KSR2: variants seen among roughly 807,000 people sequenced by gnomAD.
KSR2 encodes kinase suppressor of ras 2.
In KSR2, 25 loss-of-function variants were observed where a neutral mutation model predicts 107.8. The observed-to-expected ratio is 0.23, with a 90% CI of 0.17 to 0.32. The LOEUF (loss-of-function observed/expected upper bound fraction) is 0.32, where lower values mean the gene tolerates loss of function less well. Ranked by LOEUF, KSR2 falls within the 10% of genes least tolerant of loss-of-function variation. The probability of loss-of-function intolerance (pLI) is 1.00; values close to 1 mark genes in which losing one functional copy is unlikely to be tolerated. For missense variants in KSR2, 887 were observed against 1,268.9 expected (o/e 0.70, Z 4.57); for synonymous variants, 480 against 507.0 (o/e 0.95, Z 0.71).
chr12:117,734,604 G>A (rs959763378), intron 4 of KSR2, among the ~76,000 whole-genome samples: 3 of 152,142 alleles, frequency 2.0e-5, no homozygotes, highest in Admixed American at 6.5e-5. Flanking sequence ...TGTTGTTTCA[G>A]TCTGCTGACT....
chr12:117,762,710 C>CA (rs368605197), intron 3 of KSR2, among the ~76,000 whole-genome samples: 1,759 of 151,836 alleles, frequency 0.012, 42 homozygotes, highest in African/African-American at 0.04. Context: ...ACTAAAAATA[C>CA]AAAAAAATTA....
At chr12:117,964,827 C>T (rs1216748631) in intron 1 of KSR2, among the ~76,000 whole-genome samples, 1 of 152,222 alleles carries the variant, frequency 6.6e-6, no homozygotes, top group Non-Finnish European at 1.5e-5. Context: ...CTAGAATTTA[C>T]AACTATATCA....
intron 5 of KSR2, among the ~76,000 whole-genome samples, chr12:117,645,647 GA>G (rs1883582803): frequency 6.6e-6 from 1 of 151,410 alleles, no homozygotes; most frequent in Non-Finnish European, 1.5e-5. Flanking sequence ...AATGTTCCTG[GA>G]AGCAAAATCT....
intron 1 of KSR2, among the ~76,000 whole-genome samples, chr12:117,868,640 A>G (rs78856943): frequency 0.033 from 5,023 of 152,262 alleles, 281 homozygotes; most frequent in African/African-American, 0.11. Context: ...CACAGCTAGT[A>G]AGTGCAGAGC....
At chr12:117,838,317 A>T (rs1292733148) in intron 3 of KSR2, among the ~76,000 whole-genome samples, 2 of 152,120 alleles carry the variant, frequency 1.3e-5, no homozygotes, top group African/African-American at 4.8e-5. Flanking sequence ...ACAGGCGCAC[A>T]CCACCACACC....
At chr12:117,845,622 G>A (rs1418142660) in intron 3 of KSR2, among the ~76,000 whole-genome samples, 1 of 151,938 alleles carries the variant, frequency 6.6e-6, no homozygotes, top group Non-Finnish European at 1.5e-5. Flanking sequence ...ATCCGGGTGA[G>A]CTGATTCAAC....
chr12:117,632,793 G>C (rs1882872770), intron 5 of KSR2, among the ~76,000 whole-genome samples: 3 of 152,122 alleles, frequency 2.0e-5, no homozygotes. Flanking sequence ...TGCGGTATTT[G>C]GTTTTCTGTT....
intron 1 of KSR2, among the ~76,000 whole-genome samples, chr12:117,906,952 G>A (rs1163063411): frequency 1.3e-5 from 2 of 151,988 alleles, no homozygotes; most frequent in Non-Finnish European, 2.9e-5. Flanking sequence ...CCAGGGAGGT[G>A]GAGGCTGCAA....
Position 117,855,713 on chromosome 12 carries a change from C to T in KSR2, c.322-135G>A, listed in dbSNP as rs1893082099. 13 of 849,702 alleles carry T rather than the reference C, an allele frequency of 1.5e-5. No homozygotes were observed. The South Asian group carries it at 1.7e-4, about 11-fold the overall frequency. 52.6% of individuals were successfully genotyped at this position (849,702 alleles called of 1,614,324 possible). On this transcript the variant is annotated intron_variant, in intron 2 of 19. Transcript: ENST00000339824. Reference sequence around the variant, plus strand: ...GCATGACAGTGGGGTCTCCGAATCTCGGGTTTGCCACTCATTATCTAGATA... The same window carrying T: ...GCATGACAGTGGGGTCTCCGAATCTTGGGTTTGCCACTCATTATCTAGATA...
At chr12:117,628,502 C>G (rs746474770) in intron 5 of KSR2, among the ~76,000 whole-genome samples, 3 of 152,268 alleles carry the variant, frequency 2.0e-5, no homozygotes, top group African/African-American at 7.2e-5. Flanking sequence ...TACTCCAGAC[C>G]CTGTTTGCCT....
At chr12:117,546,471 G>A (rs1046050205) in intron 9 of KSR2, among the ~76,000 whole-genome samples, 7 of 152,090 alleles carry the variant, frequency 4.6e-5, no homozygotes, top group Admixed American at 3.9e-4. Flanking sequence ...CTTCTTTGAC[G>A]TTTTCTGAGA....
chr12:117,491,794 A>G (rs779521244), intron 14 of KSR2, among the ~76,000 whole-genome samples: 6 of 152,156 alleles, frequency 3.9e-5, no homozygotes, highest in Non-Finnish European at 7.3e-5. Context: ...GGCCACCTGG[A>G]TCTGGAGGCT....
At chr12:117,722,278 T>C (rs1887239778) in intron 4 of KSR2, among the ~76,000 whole-genome samples, 1 of 152,216 alleles carries the variant, frequency 6.6e-6, no homozygotes, top group Non-Finnish European at 1.5e-5. Context: ...CTAGATGACC[T>C]ACATCCAAAC....
At chr12:117,840,513 A>G (rs1177446939) in intron 3 of KSR2, among the ~76,000 whole-genome samples, 1 of 152,144 alleles carries the variant, frequency 6.6e-6, no homozygotes, top group African/African-American at 2.4e-5. Context: ...ATCCTGCCTC[A>G]GCCTCTCAAG....
In KSR2 at chr12:117,671,332, T is replaced by TTAGA. The variant is rs375356802; in HGVS notation, c.987-3678_987-3675dup. 3.9e-3 allele frequency among the ~76,000 whole-genome samples: 586 copies of TTAGA among 152,188 alleles called. 2 individuals carry two copies. Among genetic ancestry groups the TTAGA allele is most frequent in the South Asian group, 0.016 (75 of 4,808 alleles). ...TCTCTCTCTCTCGATTGATTGATCA[T>TTAGA]TAGATAGATAGATAGATAGATAGAC... On this transcript the variant is annotated intron_variant, in intron 4 of 19. Coordinates refer to ENST00000339824, the MANE Select transcript of KSR2 (RefSeq NM_173598.6).
At chr12:117,592,897 CATTA>C (rs1374780819) in intron 5 of KSR2, among the ~76,000 whole-genome samples, 11 of 152,150 alleles carry the variant, frequency 7.2e-5, no homozygotes. Context: ...AGGGGAGTGT[CATTA>C]ATTATCAATC....
chr12:117,483,240 G>C (rs2137138315), intron 16 of KSR2, among the ~76,000 whole-genome samples: 1 of 152,158 alleles, frequency 6.6e-6, no homozygotes, highest in East Asian at 1.9e-4. Context: ...CGCCTGTTTG[G>C]TCCTCATCAC....
chr12:117,488,613 A>C (rs1252832138), intron 14 of KSR2, among the ~76,000 whole-genome samples: 1 of 152,204 alleles, frequency 6.6e-6, no homozygotes, highest in Non-Finnish European at 1.5e-5. Context: ...AAAGTCTGGA[A>C]GACGGCCCTC....
chr12:117,823,646 G>A (rs1283870020), intron 3 of KSR2, among the ~76,000 whole-genome samples: 1 of 152,216 alleles, frequency 6.6e-6, no homozygotes, highest in Non-Finnish European at 1.5e-5. Flanking sequence ...AAAGAGGTAG[G>A]AGGAAGACCA....
Sources: allele counts gnomAD v4.1 joint callset (sites outside exome capture counted in the v4.1 genomes callset), GRCh38; gene constraint gnomAD v4.1.1; transcripts MANE v1.5; gene names NCBI Gene and HGNC (gene_info 2026-07-23, HGNC 2026-07-21).